MCTP1: variants seen among roughly 807,000 people sequenced by gnomAD.
MCTP1 encodes the protein multiple C2 and transmembrane domain-containing protein 1.
In MCTP1, 69 loss-of-function variants were observed where a neutral mutation model predicts 120.6. That is an observed-to-expected ratio of 0.57 (90% CI 0.47 to 0.70). The LOEUF is 0.70. Ranked by LOEUF, MCTP1 falls within the 30% of genes least tolerant of loss-of-function variation. The probability of loss-of-function intolerance (pLI) is 0.00; values close to 1 mark genes in which losing one functional copy is unlikely to be tolerated. For missense variants in MCTP1, 1,203 were observed against 1,248.8 expected, an observed-to-expected ratio of 0.96 and a Z score of 0.55; for synonymous variants, 529 against 493.1, an observed-to-expected ratio of 1.07 and a Z score of -0.96.
chr5:94,867,178 A>G, intron 17 of MCTP1: 1 of 1,321,552 alleles, frequency 7.6e-7, no homozygotes, highest in Admixed American at 3.0e-5. Flanking sequence ...TATAAGAAAG[A>G]GCTACAAAAA....
At chr5:94,852,609 C>T (rs1222539411) in intron 17 of MCTP1, among the ~76,000 whole-genome samples, 2 of 151,818 alleles carry the variant, frequency 1.3e-5, no homozygotes, top group Non-Finnish European at 2.9e-5. Context: ...ATTCTGTTGG[C>T]GTAATTTTAA....
intron 1 of MCTP1, among the ~76,000 whole-genome samples, chr5:95,068,259 G>A (rs1024992500): frequency 2.0e-5 from 3 of 152,104 alleles, no homozygotes; most frequent in African/African-American, 7.2e-5. Context: ...TCCAATGAGA[G>A]AAAATAGATT....
chr5:95,174,079 G>A (rs184237711), intron 1 of MCTP1, among the ~76,000 whole-genome samples: 8 of 152,196 alleles, frequency 5.3e-5, no homozygotes, highest in Non-Finnish European at 7.4e-5. Flanking sequence ...GCTCCATGAG[G>A]GCAATGTTTT....
Position 94,954,149 on chromosome 5 carries a change from T to A in MCTP1, c.839-788A>T, listed in dbSNP as rs370389232. 5.9e-3 allele frequency among the ~76,000 whole-genome samples: 377 copies of A among 63,476 alleles called. 33 individuals carry two copies. Among genetic ancestry groups the A allele is most frequent in the Non-Finnish European group, 6.4e-3 (209 of 32,788 alleles). The allele number at this position is 63,476 out of a possible 152,430, so 41.6% of individuals were successfully genotyped here. On this transcript the variant is annotated intron_variant, in intron 2 of 22. Coordinates refer to ENST00000515393, the MANE Select transcript of MCTP1 (RefSeq NM_024717.7). ...AAATATATATATGCATATATATACA[T>A]ATATATATGCATATATATACATATA...
intron 1 of MCTP1, among the ~76,000 whole-genome samples, chr5:95,151,690 A>G (rs1760910482): frequency 6.6e-6 from 1 of 152,088 alleles, no homozygotes; most frequent in African/African-American, 2.4e-5. Context: ...CACTTATCTG[A>G]TTTCCTCTCT....
Position 94,706,055 on chromosome 5 carries a change from T to A in MCTP1, c.*1441A>T, listed in dbSNP as rs1295164002. 1 of 151,742 alleles carries A rather than the reference T, an allele frequency of 6.6e-6. No homozygotes were observed. Among genetic ancestry groups the A allele is most frequent in the East Asian group, 1.9e-4 (1 of 5,174 alleles). The allele number at this position is 151,742 out of a possible 1,614,324, so 9.4% of individuals were successfully genotyped here. A position where few individuals can be genotyped will look rare whatever the true frequency, so the allele number is the denominator to read the frequency against. ...AAAATCAGCTTCAATGAGATTACAT[T>A]TATTGTTAAAGAATCTTCCTTTAGA... On this transcript the variant is annotated 3_prime_UTR_variant, in exon 23 of 23. Transcript: ENST00000515393.
At chr5:94,731,734 C>T (rs1054532269) in intron 19 of MCTP1, among the ~76,000 whole-genome samples, 3 of 152,188 alleles carry the variant, frequency 2.0e-5, no homozygotes, top group Non-Finnish European at 2.9e-5. Context: ...CTGAGCCAAA[C>T]TGCTGCTATG....
At chr5:94,994,227 C>T (rs553232504) in intron 2 of MCTP1, among the ~76,000 whole-genome samples, 2 of 152,260 alleles carry the variant, frequency 1.3e-5, no homozygotes, top group East Asian at 3.9e-4. Context: ...GGCCTGAAGG[C>T]CTGAGTGAGG....
intron 2 of MCTP1, among the ~76,000 whole-genome samples, chr5:94,972,018 T>C (rs757719647): frequency 9.2e-5 from 14 of 152,180 alleles, no homozygotes; most frequent in Non-Finnish European, 1.9e-4. Flanking sequence ...TCTGCCACCA[T>C]TGCCCCATCA....
At chr5:94,832,107 T>C (rs577972732) in intron 17 of MCTP1, among the ~76,000 whole-genome samples, 2 of 152,348 alleles carry the variant, frequency 1.3e-5, no homozygotes, top group South Asian at 4.1e-4. Flanking sequence ...CCAAGGGCCC[T>C]ACAGTTTCTG....
intron 1 of MCTP1, among the ~76,000 whole-genome samples, chr5:95,037,453 A>C (rs1400925378): frequency 6.6e-6 from 1 of 152,204 alleles, no homozygotes; most frequent in East Asian, 1.9e-4. Flanking sequence ...TGTTAACGTG[A>C]GCTATTATAT....
At chr5:94,910,188 G>GTATA (rs1561843212) in intron 9 of MCTP1, among the ~76,000 whole-genome samples, 38 of 145,744 alleles carry the variant, frequency 2.6e-4, no homozygotes, top group Non-Finnish European at 2.9e-4. Flanking sequence ...ATGTATGTGT[G>GTATA]CATACATATA....
chr5:94,740,041 C>T (rs1326890473), intron 19 of MCTP1, among the ~76,000 whole-genome samples: 1 of 152,194 alleles, frequency 6.6e-6, no homozygotes, highest in Admixed American at 6.5e-5. Flanking sequence ...ACAGTAATTA[C>T]TTGCCAGACA....
chr5:94,920,778 TA>T (rs1561860973), intron 7 of MCTP1, among the ~76,000 whole-genome samples: 13 of 150,608 alleles, frequency 8.6e-5, no homozygotes, highest in African/African-American at 3.2e-4. Context: ...AATAAATAAA[TA>T]AATAAATAAT....
At chr5:95,114,915 A>G (rs1757707405) in intron 1 of MCTP1, among the ~76,000 whole-genome samples, 1 of 152,202 alleles carries the variant, frequency 6.6e-6, no homozygotes, top group Non-Finnish European at 1.5e-5. Flanking sequence ...CTCCACTCCC[A>G]GCTCCAGATG....
intron 2 of MCTP1, among the ~76,000 whole-genome samples, chr5:94,998,656 A>G (rs1439264729): frequency 1.3e-5 from 2 of 152,200 alleles, no homozygotes; most frequent in African/African-American, 2.4e-5. Context: ...ATAAGCAGCT[A>G]GAGACTCTAA....
chr5:94,883,161 T>C (rs2153368222), intron 12 of MCTP1, among the ~76,000 whole-genome samples: 1 of 152,320 alleles, frequency 6.6e-6, no homozygotes, highest in Non-Finnish European at 1.5e-5. Context: ...GGCTCATTCT[T>C]AAGGAAAAGA....
At chr5:95,043,350 T>G (rs1160412885) in intron 1 of MCTP1, among the ~76,000 whole-genome samples, 1 of 152,158 alleles carries the variant, frequency 6.6e-6, no homozygotes, top group Non-Finnish European at 1.5e-5. Flanking sequence ...TCTCATATGT[T>G]AACCCTTACT....
At chr5:95,148,318 T>TCTC (rs915898533) in intron 1 of MCTP1, among the ~76,000 whole-genome samples, 2 of 59,146 alleles carry the variant, frequency 3.4e-5, no homozygotes, top group African/African-American at 9.4e-5. Context: ...GCTTACTCTC[T>TCTC]CTCCTTTCTC....
Sources: gnomAD v4.1 joint callset for allele counts (sites outside exome capture counted in the v4.1 genomes callset) on GRCh38, gnomAD v4.1.1 for gene constraint, MANE v1.5 for transcripts, NCBI Gene and HGNC (gene_info 2026-07-23, HGNC 2026-07-21) for gene names.